FER1L6: variants seen among roughly 807,000 people sequenced by gnomAD.
FER1L6 encodes fer-1-like protein 6.
In FER1L6, 177 loss-of-function variants were observed where a neutral mutation model predicts 219.2. That is an observed-to-expected ratio of 0.81 (90% CI 0.71 to 0.91). FER1L6 has a LOEUF of 0.91. Among genes scored for constraint, FER1L6 ranks in the 40% least tolerant of loss-of-function variants. The pLI, the probability that FER1L6 is intolerant of heterozygous loss-of-function variation, is 0.00. For missense variants in FER1L6, 2,153 were observed against 2,259.9 expected (o/e 0.95, Z 0.96); for synonymous variants, 768 against 824.3 (o/e 0.93, Z 1.17).
At chr8:123,937,570 G>T (rs1188322970) in intron 1 of FER1L6, among the ~76,000 whole-genome samples, 2 of 152,132 alleles carry the variant, frequency 1.3e-5, no homozygotes, top group African/African-American at 4.8e-5. Flanking sequence ...ATAGGAGGCA[G>T]TAACAATCTG....
chr8:123,911,275 A>G (rs1813043178), intron 1 of FER1L6, among the ~76,000 whole-genome samples: 2 of 152,232 alleles, frequency 1.3e-5, no homozygotes, highest in South Asian at 4.1e-4. Context: ...ATTTGATTCC[A>G]CATGATAGTT....
At chr8:124,078,566 C>A (rs527347241) in intron 32 of FER1L6, among the ~76,000 whole-genome samples, 4 of 152,212 alleles carry the variant, frequency 2.6e-5, no homozygotes, top group African/African-American at 9.6e-5. Flanking sequence ...GTCAGGCACA[C>A]TGCTAAGTGC....
chr8:124,044,084 G>A (rs949378433), intron 20 of FER1L6, among the ~76,000 whole-genome samples: 2 of 152,244 alleles, frequency 1.3e-5, no homozygotes, highest in Non-Finnish European at 2.9e-5. Flanking sequence ...CAGTGCCAAA[G>A]AAGATACCGA....
chr8:124,070,565 T>A lies in FER1L6; in HGVS notation c.3933T>A (p.Gly1311=), dbSNP rs758099320. Residue 1311 remains glycine (G), a synonymous_variant, in exon 30 of 41, where the codon GGT becomes GGA. Transcript: ENST00000522917. ...FRGKSTEDDH[G]LDGDRVIGKF... Reference sequence around the variant, plus strand: ...GCAAGTCTACGGAAGATGACCATGGTCTTGATGGAGACCGAGTCATAGGAA... The same window carrying A: ...GCAAGTCTACGGAAGATGACCATGGACTTGATGGAGACCGAGTCATAGGAA... The A allele has an allele frequency of 1.2e-6, 2 of 1,603,640 alleles. No individual in the cohort carries two copies. Among genetic ancestry groups the A allele is most frequent in the Non-Finnish European group, 1.7e-6 (2 of 1,177,022 alleles).
chr8:123,933,378 C>G (rs35978153), intron 1 of FER1L6, among the ~76,000 whole-genome samples: 24,169 of 130,094 alleles, frequency 0.19, 2,619 homozygotes, highest in East Asian at 0.43. Flanking sequence ...ATATGTGTGT[C>G]TGTGTGTGTG....
chr8:124,062,112 A>C, intron 25 of FER1L6, 80 bp downstream of exon 25: 1 of 1,472,034 alleles, frequency 6.8e-7, no homozygotes, highest in Non-Finnish European at 9.4e-7. Flanking sequence ...GGATTGGCTC[A>C]AAGAGGATGC....
At chr8:124,066,597 C>T (rs1313857077) in intron 27 of FER1L6, 47 bp downstream of exon 27, 1 of 1,602,394 alleles carries the variant, frequency 6.2e-7, no homozygotes, top group Admixed American at 1.7e-5. Flanking sequence ...AATAAGGAAA[C>T]ACAGCACCTT....
In FER1L6 at chr8:124,076,345, G is replaced by A. The variant is rs1220663486; in HGVS notation, c.4220+20G>A. On this transcript the variant is annotated intron_variant, in intron 32 of 40. Transcript: ENST00000522917. ...TGGAAGGTCAGTGGCCATCTGGGCTGTGTTTTATTGTCCTTTCTGCATTTG... is the reference window on the plus strand; with the variant it reads ...TGGAAGGTCAGTGGCCATCTGGGCTATGTTTTATTGTCCTTTCTGCATTTG... The A allele has an allele frequency of 5.0e-6, 8 of 1,598,330 alleles. No individual in the cohort carries two copies. The South Asian group carries it at 7.7e-5, about 15-fold the overall frequency.
At chr8:124,075,496 G>T (rs568955358) in intron 31 of FER1L6, among the ~76,000 whole-genome samples, 4 of 151,894 alleles carry the variant, frequency 2.6e-5, no homozygotes, top group African/African-American at 9.7e-5. Flanking sequence ...CCTTCTGATG[G>T]ACCTGCCTAT....
chr8:124,119,950 C>T lies in FER1L6; in HGVS notation c.*160C>T. ...GAAAAGAAACATTTCCTCCCTGCTC[C>T]AACCCCTGCCTCCAAGTTTCAAACT... On this transcript the variant is annotated 3_prime_UTR_variant, in exon 41 of 41. Coordinates refer to ENST00000522917, the MANE Select transcript of FER1L6 (RefSeq NM_001039112.2). 1.4e-6 allele frequency: 1 copy of T among 692,450 alleles called. No individual in the cohort carries two copies. The highest frequency in any genetic ancestry group is 3.1e-5 in the South Asian group (1 of 31,890). 42.9% of individuals were successfully genotyped at this position (692,450 alleles called of 1,614,324 possible). A position where few individuals can be genotyped will look rare whatever the true frequency, so the allele number is the denominator to read the frequency against.
intron 2 of FER1L6, among the ~76,000 whole-genome samples, chr8:123,956,650 A>G (rs1437656147): frequency 6.6e-6 from 1 of 152,236 alleles, no homozygotes; most frequent in Non-Finnish European, 1.5e-5. Context: ...AAAAATGCAC[A>G]GCAGTTGTTA....
rs774702191 is a variant in FER1L6, at chr8:123,985,934, C to T, written c.1411-134C>T. On this transcript the variant is annotated intron_variant, in intron 11 of 40. Coordinates refer to ENST00000522917, the MANE Select transcript of FER1L6 (RefSeq NM_001039112.2). Reference sequence around the variant, plus strand: ...CATACATGTCTTATTTGGGGGGAAACGCTGTGCCATTTCAGGCTGAAACAG... The same window carrying T: ...CATACATGTCTTATTTGGGGGGAAATGCTGTGCCATTTCAGGCTGAAACAG... 67 of 609,428 alleles carry T rather than the reference C, an allele frequency of 1.1e-4. No individual in the cohort carries two copies. In the Middle Eastern group the frequency reaches 1.1e-3, roughly 10 times the overall value. 37.8% of individuals were successfully genotyped at this position (609,428 alleles called of 1,614,324 possible). A position where few individuals can be genotyped will look rare whatever the true frequency, so the allele number is the denominator to read the frequency against.
chr8:124,114,822 A>G (rs1450122530), intron 39 of FER1L6, among the ~76,000 whole-genome samples: 1 of 149,874 alleles, frequency 6.7e-6, no homozygotes, highest in Non-Finnish European at 1.5e-5. Context: ...ATATGTATGT[A>G]CATGCATGTA....
At chr8:123,909,868 A>G (rs979184095) in intron 1 of FER1L6, among the ~76,000 whole-genome samples, 2 of 152,190 alleles carry the variant, frequency 1.3e-5, no homozygotes, top group Non-Finnish European at 2.9e-5. Flanking sequence ...GACTGTGTCT[A>G]TGGAAGTTAT....
chr8:123,951,567 C>G (rs1355303460), intron 1 of FER1L6, among the ~76,000 whole-genome samples: 1 of 152,106 alleles, frequency 6.6e-6, no homozygotes, highest in Admixed American at 6.5e-5. Flanking sequence ...AAGATATTTC[C>G]CGTCAGGCTA....
chr8:123,926,111 A>G (rs1813553840), intron 1 of FER1L6, among the ~76,000 whole-genome samples: 1 of 152,204 alleles, frequency 6.6e-6, no homozygotes. Flanking sequence ...GTAAATTAAC[A>G]CTCAGAATGG....
chr8:123,973,124 G>T (rs2130274792), intron 6 of FER1L6, among the ~76,000 whole-genome samples: 1 of 152,280 alleles, frequency 6.6e-6, no homozygotes, highest in East Asian at 1.9e-4. Context: ...TATGTTCTAG[G>T]TATTGAAAGA....
At chr8:123,960,507 A>G (rs1293349795) in intron 2 of FER1L6, among the ~76,000 whole-genome samples, 2 of 152,182 alleles carry the variant, frequency 1.3e-5, no homozygotes, top group Non-Finnish European at 2.9e-5. Flanking sequence ...CAGGAAACCT[A>G]TCCTTCCTAG....
At chr8:123,913,615 A>T (rs1813104505) in intron 1 of FER1L6, among the ~76,000 whole-genome samples, 1 of 152,122 alleles carries the variant, frequency 6.6e-6, no homozygotes, top group Non-Finnish European at 1.5e-5. Flanking sequence ...CAGGGGTTGG[A>T]CTAAGCCATT....
Sources: gnomAD v4.1 joint callset for allele counts (sites outside exome capture counted in the v4.1 genomes callset) on GRCh38, gnomAD v4.1.1 for gene constraint, MANE v1.5 for transcripts, NCBI Gene and HGNC (gene_info 2026-07-23, HGNC 2026-07-21) for gene names.